Variants in TRIM37 observed in about 807,000 individuals in gnomAD.
TRIM37 encodes the protein tripartite motif containing 37.
Under a neutral mutation model 129.8 loss-of-function variants are expected in TRIM37, and 80 were observed. The observed-to-expected ratio is 0.62, with a 90% CI of 0.51 to 0.74. The LOEUF (loss-of-function observed/expected upper bound fraction) is 0.74. TRIM37 is among the 30% of genes least tolerant of loss of function. The pLI, the probability that TRIM37 is intolerant of heterozygous loss-of-function variation, is 0.00. For synonymous variants in TRIM37, 389 were observed against 387.1 expected, an observed-to-expected ratio of 1.00 and a Z score of -0.06; for missense variants, 1,054 against 1,176.5, an observed-to-expected ratio of 0.90 and a Z score of 1.52.
At chr17:58,979,320 A>G (rs113853530), downstream of TRIM37, among the ~76,000 whole-genome samples, 4 of 152,320 alleles carry the variant, frequency 2.6e-5, no homozygotes, top group African/African-American at 9.6e-5. Flanking sequence ...TAGAAAGCCA[A>G]GTGGGTTGGG....
downstream of TRIM37, chr17:58,980,161 C>A (rs762147749): frequency 6.2e-7 from 1 of 1,614,088 alleles, no homozygotes; most frequent in Non-Finnish European, 8.5e-7. The surrounding 1 kb of genome is among the most constrained non-coding windows in gnomAD (Gnocchi z 4.7). Flanking sequence ...TGGTTGCCCA[C>A]AAATTAGTGG....
intron 18 of TRIM37, among the ~76,000 whole-genome samples, chr17:59,031,377 T>A (rs1463801456): frequency 3.3e-5 from 5 of 152,222 alleles, no homozygotes; most frequent in Non-Finnish European, 7.3e-5. Flanking sequence ...CCCGAGAGTT[T>A]AAAAAAGCCC....
At chr17:58,972,106 T>G in the TRIM37 span, 15 of 1,599,914 alleles carry the variant, frequency 9.4e-6, no homozygotes, top group South Asian at 1.6e-4. Context: ...TTTCACTGAG[T>G]CTAGTTTTAT....
intron 22 of TRIM37, among the ~76,000 whole-genome samples, chr17:59,011,905 G>A (rs988154990): frequency 5.9e-5 from 9 of 152,264 alleles, no homozygotes; most frequent in African/African-American, 2.2e-4. Context: ...ATTAGATTGT[G>A]AACATATCTA....
Position 59,064,408 on chromosome 17 carries a change from A to G in TRIM37, c.810-3T>C, listed in dbSNP as rs1385610654. The G allele has an allele frequency of 1.8e-6, 1 of 570,022 alleles. No homozygotes were observed. The highest frequency in any genetic ancestry group is 2.2e-5 in the African/African-American group (1 of 46,394). The allele number at this position is 570,022 out of a possible 1,614,324, so 35.3% of individuals were successfully genotyped here. A position where few individuals can be genotyped will look rare whatever the true frequency, so the allele number is the denominator to read the frequency against. ...AATCGTAAGATGGCACTAATTCACTAAAAAAAAAAAGGCAAAAAAAATTAT... is the reference window on the plus strand; with the variant it reads ...AATCGTAAGATGGCACTAATTCACTGAAAAAAAAAAGGCAAAAAAAATTAT... On this transcript the variant is annotated splice_polypyrimidine_tract_variant and splice_region_variant and intron_variant, in intron 9 of 23. Coordinates refer to ENST00000262294, the MANE Select transcript of TRIM37 (RefSeq NM_015294.6).
chr17:59,047,953 G>T, intron 15 of TRIM37, 134 bp from the exon 16 acceptor site: 1 of 1,003,068 alleles, frequency 1.0e-6, no homozygotes, highest in Non-Finnish European at 1.5e-6. Context: ...CTGTGCCTCA[G>T]CTGCTGAGCC....
chr17:59,093,471 T>C (rs1399709489), intron 2 of TRIM37, among the ~76,000 whole-genome samples: 2 of 152,186 alleles, frequency 1.3e-5, no homozygotes, highest in Non-Finnish European at 2.9e-5. Context: ...TAGATTTCAG[T>C]TCATAAGTTG....
intron 24 of TRIM37, among the ~76,000 whole-genome samples, chr17:58,991,199 A>G (rs948455143): frequency 6.6e-5 from 10 of 151,162 alleles, no homozygotes; most frequent in Non-Finnish European, 1.2e-4. Context: ...AAAAAGAAAA[A>G]AGTTTCCTCC....
intron 21 of TRIM37, among the ~76,000 whole-genome samples, chr17:59,013,598 A>G (rs1392247878): frequency 2.0e-5 from 3 of 152,208 alleles, no homozygotes; most frequent in Non-Finnish European, 4.4e-5. Flanking sequence ...AGGGGGTTGG[A>G]AAACTAGGTC....
intron 7 of TRIM37, among the ~76,000 whole-genome samples, 169 bp from the exon 8 acceptor site, chr17:59,075,883 T>C (rs766630705): frequency 5.9e-5 from 9 of 152,232 alleles, no homozygotes; most frequent in African/African-American, 1.9e-4. Context: ...CTGAATATTA[T>C]AGTAGCCTTG....
chr17:59,006,632 T>C (rs2034519355), intron 22 of TRIM37, among the ~76,000 whole-genome samples: 6 of 152,168 alleles, frequency 3.9e-5, no homozygotes, highest in Admixed American at 3.9e-4. Flanking sequence ...CTCATGCCTA[T>C]AATCCCAGCA....
Position 59,056,998 on chromosome 17 carries a change from A to G in TRIM37, c.1076T>C (p.Ile359Thr), listed in dbSNP as rs2041000373. 2 of 1,613,886 alleles carry G rather than the reference A, an allele frequency of 1.2e-6. No individual in the cohort carries two copies. The highest frequency in any genetic ancestry group is 1.7e-6 in the Non-Finnish European group (2 of 1,179,928). ...AAAGTCAGATGCAAATTCTCGAATG[A>G]TATTTTTTGTAGGATCATTACAGGA... ...HQSCNDPTKN[I>T]IREFASDFEV... The change falls in exon 13 of 24, where the codon ATC (isoleucine) becomes ACC (threonine). Residue 359 changes from isoleucine to threonine, a missense_variant. By Grantham distance (89) the Ile-to-Thr change is moderately conservative. Transcript: ENST00000262294.
At chr17:59,074,276 A>G (rs968754597) in intron 8 of TRIM37, among the ~76,000 whole-genome samples, 1 of 152,054 alleles carries the variant, frequency 6.6e-6, no homozygotes, top group Non-Finnish European at 1.5e-5. Context: ...AATTTGACAC[A>G]TGTTTGTATA....
chr17:59,092,130 C>T (rs998262384), intron 2 of TRIM37, among the ~76,000 whole-genome samples: 1 of 152,026 alleles, frequency 6.6e-6, no homozygotes, highest in Non-Finnish European at 1.5e-5. Context: ...CGGTGTCTCA[C>T]GCCTGTAATC....
chr17:58,973,484 A>T, the TRIM37 span, among the ~76,000 whole-genome samples: 1 of 151,534 alleles, frequency 6.6e-6, no homozygotes, highest in Admixed American at 6.6e-5. Flanking sequence ...TTAAAATTTT[A>T]TGGAAGCCTT....
At chr17:59,065,460 C>A (rs1182514978) in intron 9 of TRIM37, among the ~76,000 whole-genome samples, 2 of 152,192 alleles carry the variant, frequency 1.3e-5, no homozygotes, top group Non-Finnish European at 2.9e-5. Context: ...CTACTTCAAG[C>A]AACTTTAGTC....
intron 22 of TRIM37, among the ~76,000 whole-genome samples, chr17:59,011,978 T>C (rs1185695233): frequency 6.6e-6 from 1 of 152,192 alleles, no homozygotes; most frequent in East Asian, 1.9e-4. Flanking sequence ...TGCCTTAACA[T>C]ATTTATTGAC....
intron 12 of TRIM37, among the ~76,000 whole-genome samples, chr17:59,057,900 G>A (rs1383653660): frequency 6.6e-6 from 1 of 151,998 alleles, no homozygotes; most frequent in Non-Finnish European, 1.5e-5. Context: ...GATGTTTACC[G>A]ATATATCAGG....
intron 2 of TRIM37, among the ~76,000 whole-genome samples, chr17:59,099,360 C>T (rs1423271934): frequency 6.6e-6 from 1 of 151,338 alleles, no homozygotes; most frequent in East Asian, 1.9e-4. Flanking sequence ...TTTTAATATA[C>T]CTTTTCTATG....
Sources: allele counts gnomAD v4.1 joint callset (sites outside exome capture counted in the v4.1 genomes callset), GRCh38; gene constraint gnomAD v4.1.1; non-coding constraint Gnocchi (gnomAD v3.1); transcripts MANE v1.5; gene names NCBI Gene and HGNC (gene_info 2026-07-23, HGNC 2026-07-21).